OR2C1: variants seen among roughly 807,000 people sequenced by gnomAD.
OR2C1 encodes olfactory receptor family 2 subfamily C member 1.
For synonymous variants in OR2C1, 209 were observed against 167.3 expected (o/e 1.25, Z -1.92); for missense variants, 468 against 388.3 (o/e 1.21, Z -1.73).
At chr16:3,344,305 G>A in the OR2C1 span, among the ~76,000 whole-genome samples, 1 of 151,796 alleles carries the variant, frequency 6.6e-6, no homozygotes, top group Admixed American at 6.6e-5. Flanking sequence ...GGATATGAAT[G>A]GGCAATTTAC....
upstream of OR2C1, among the ~76,000 whole-genome samples, chr16:3,355,604 A>T (rs2030652968): frequency 6.6e-6 from 1 of 152,002 alleles, no homozygotes; most frequent in South Asian, 2.1e-4. Flanking sequence ...CAACATGGCA[A>T]AACCCCATCT....
At chr16:3,328,804 AGT>A in the OR2C1 span, among the ~76,000 whole-genome samples, 1 of 152,108 alleles carries the variant, frequency 6.6e-6, no homozygotes, top group Non-Finnish European at 1.5e-5. Flanking sequence ...AAGCCCAGAG[AGT>A]GTTGCCAGAA....
the OR2C1 span, among the ~76,000 whole-genome samples, chr16:3,333,257 G>C: frequency 1.3e-5 from 1 of 77,248 alleles, no homozygotes; most frequent in African/African-American, 5.0e-5. Context: ...TTGCTATTGA[G>C]TTGTTTGAGT....
At chr16:3,340,566 C>T in the OR2C1 span, among the ~76,000 whole-genome samples, 3 of 152,152 alleles carry the variant, frequency 2.0e-5, no homozygotes, top group African/African-American at 7.2e-5. Flanking sequence ...TCTAAGAGTT[C>T]ACAGTTTTGG....
chr16:3,331,915 C>T, the OR2C1 span, among the ~76,000 whole-genome samples: 3 of 151,728 alleles, frequency 2.0e-5, no homozygotes, highest in Non-Finnish European at 2.9e-5. Context: ...GATGAGTTCA[C>T]GTCCTTTGTA....
At chr16:3,349,012 A>G in the OR2C1 span, among the ~76,000 whole-genome samples, 123,444 of 151,826 alleles carry the variant, frequency 0.81, 50,269 homozygotes, top group East Asian at 0.92. Flanking sequence ...TGGCCATCAC[A>G]GGAGTCAGGT....
chr16:3,328,166 T>A, the OR2C1 span, among the ~76,000 whole-genome samples: 1 of 152,198 alleles, frequency 6.6e-6, no homozygotes, highest in Non-Finnish European at 1.5e-5. Flanking sequence ...ACACCCAGTG[T>A]CCTGATAGTC....
At chr16:3,349,852 A>G in the OR2C1 span, among the ~76,000 whole-genome samples, 2 of 151,570 alleles carry the variant, frequency 1.3e-5, no homozygotes, top group East Asian at 4.0e-4. Flanking sequence ...CAGTGAGCCA[A>G]GATCGTGCCA....
chr16:3,331,456 C>G, the OR2C1 span, among the ~76,000 whole-genome samples: 1 of 151,148 alleles, frequency 6.6e-6, no homozygotes, highest in Admixed American at 6.6e-5. Flanking sequence ...ACATGAAGTC[C>G]TTGCCCATGC....
At chr16:3,331,241 T>G in the OR2C1 span, among the ~76,000 whole-genome samples, 2 of 152,216 alleles carry the variant, frequency 1.3e-5, no homozygotes, top group African/African-American at 4.8e-5. Context: ...GTTGTTTGTT[T>G]TTTTCTTGTA....
At chr16:3,348,555 C>G in the OR2C1 span, among the ~76,000 whole-genome samples, 1 of 152,160 alleles carries the variant, frequency 6.6e-6, no homozygotes, top group Non-Finnish European at 1.5e-5. Context: ...GACCAGCACA[C>G]AGCACAAGCC....
At chr16:3,332,995 A>T in the OR2C1 span, among the ~76,000 whole-genome samples, 1 of 152,024 alleles carries the variant, frequency 6.6e-6, no homozygotes, top group Admixed American at 6.6e-5. Flanking sequence ...ATTCCCAACA[A>T]CAGCGTACAA....
At chr16:3,351,249 A>G (rs1239655483), upstream of OR2C1, among the ~76,000 whole-genome samples, 1 of 100,358 alleles carries the variant, frequency 1.0e-5, no homozygotes, top group African/African-American at 4.5e-5. Flanking sequence ...TTTTTTTGAG[A>G]CAGAGTTTTG....
chr16:3,331,138 T>C, the OR2C1 span, among the ~76,000 whole-genome samples: 1 of 152,238 alleles, frequency 6.6e-6, no homozygotes, highest in African/African-American at 2.4e-5. Flanking sequence ...TGATGGCCAA[T>C]GATGGTGAGC....
At chr16:3,341,182 C>T in the OR2C1 span, among the ~76,000 whole-genome samples, 2 of 151,304 alleles carry the variant, frequency 1.3e-5, no homozygotes, top group African/African-American at 4.9e-5. Context: ...GAATTTATTC[C>T]TAGGTATTTT....
chr16:3,329,426 A>G, the OR2C1 span, among the ~76,000 whole-genome samples: 1 of 152,134 alleles, frequency 6.6e-6, no homozygotes, highest in Non-Finnish European at 1.5e-5. Flanking sequence ...AAAAACATGC[A>G]TACCTAGAAA....
the OR2C1 span, among the ~76,000 whole-genome samples, chr16:3,346,621 C>A: frequency 2.2e-5 from 2 of 90,058 alleles, no homozygotes; most frequent in African/African-American, 4.0e-5. Flanking sequence ...AATGTCCATG[C>A]ATCTTTTTTT....
the OR2C1 span, among the ~76,000 whole-genome samples, chr16:3,326,161 C>T: frequency 1.3e-5 from 2 of 151,870 alleles, no homozygotes; most frequent in African/African-American, 2.4e-5. Flanking sequence ...AAACTCCAGA[C>T]CTCGTGATTG....
the OR2C1 span, among the ~76,000 whole-genome samples, chr16:3,347,115 T>A: frequency 6.6e-6 from 1 of 150,472 alleles, no homozygotes; most frequent in Non-Finnish European, 1.5e-5. Flanking sequence ...GGCACAGTGG[T>A]GCGTGCCTGT....
Sources: gnomAD v4.1 joint callset for allele counts (sites outside exome capture counted in the v4.1 genomes callset) on GRCh38, gnomAD v4.1.1 for gene constraint, MANE v1.5 for transcripts, NCBI Gene and HGNC (gene_info 2026-07-23, HGNC 2026-07-21) for gene names.